The following MUC7 variants were observed in gnomAD, a reference collection of about 807,000 sequenced individuals.
MUC7 encodes the protein mucin 7, secreted.
MUC7 carries 2 observed loss-of-function variants against 2.5 expected under a neutral mutation model. That is an observed-to-expected ratio of 0.81 (90% CI 0.33 to 2.55). The LOEUF (loss-of-function observed/expected upper bound fraction) is 2.55, where lower values mean the gene tolerates loss of function less well. Among genes scored for constraint, MUC7 ranks in the 30% most tolerant of loss-of-function variants. The pLI, the probability that MUC7 is intolerant of heterozygous loss-of-function variation, is 0.11. For synonymous variants in MUC7, 133 were observed against 173.4 expected, an observed-to-expected ratio of 0.77 and a Z score of 1.83; for missense variants, 408 against 455.6, an observed-to-expected ratio of 0.90 and a Z score of 0.95.
At chr4:70,432,943 C>T (rs951214370) in intron 1 of MUC7, among the ~76,000 whole-genome samples, 4 of 152,234 alleles carry the variant, frequency 2.6e-5, no homozygotes, top group African/African-American at 9.6e-5. Context: ...CAGCTTTCTA[C>T]ATATGGCTAG....
chr4:70,467,399 T>C (rs1400147374), upstream of MUC7, among the ~76,000 whole-genome samples: 1 of 151,518 alleles, frequency 6.6e-6, no homozygotes, highest in East Asian at 1.9e-4. Flanking sequence ...AGACAAGAAA[T>C]AACTAAGATC....
At chr4:70,458,772 T>A (rs558719645) in intron 1 of MUC7, among the ~76,000 whole-genome samples, 1 of 152,164 alleles carries the variant, frequency 6.6e-6, no homozygotes, top group East Asian at 1.9e-4. Context: ...CAGATTATTT[T>A]AAAAATACAA....
At chr4:70,471,093 T>C (rs1734823009), upstream of MUC7, among the ~76,000 whole-genome samples, 1 of 152,156 alleles carries the variant, frequency 6.6e-6, no homozygotes, top group Non-Finnish European at 1.5e-5. Flanking sequence ...AAGAACAAAC[T>C]GACTAGCTAG....
chr4:70,447,265 A>G (rs560472987), intron 1 of MUC7, among the ~76,000 whole-genome samples: 1 of 152,208 alleles, frequency 6.6e-6, no homozygotes, highest in Non-Finnish European at 1.5e-5. Context: ...GATAACAATG[A>G]TGTCTTAAAG....
chr4:70,444,329 A>G (rs1734075763), intron 1 of MUC7, among the ~76,000 whole-genome samples: 1 of 152,134 alleles, frequency 6.6e-6, no homozygotes, highest in South Asian at 2.1e-4. Flanking sequence ...TTCCTTAGGA[A>G]CCAAATCTGT....
chr4:70,461,966 C>A (rs561674481), intron 1 of MUC7, among the ~76,000 whole-genome samples: 1 of 152,288 alleles, frequency 6.6e-6, no homozygotes, highest in South Asian at 2.1e-4. Flanking sequence ...AACACCAGCA[C>A]TTTGAGACGC....
In MUC7 at chr4:70,482,055, A is replaced by T. The variant is rs1735215864; in HGVS notation, c.*177A>T. The T allele has an allele frequency of 1.3e-6, 1 of 779,366 alleles. No homozygotes were observed. The highest frequency in any genetic ancestry group is 3.0e-5 in the Admixed American group (1 of 33,186). The allele number at this position is 779,366 out of a possible 1,614,324, so 48.3% of individuals were successfully genotyped here. On this transcript the variant is annotated 3_prime_UTR_variant, in exon 3 of 3. Coordinates refer to ENST00000304887, the MANE Select transcript of MUC7 (RefSeq NM_152291.3). Reference sequence around the variant, plus strand: ...CCACAAGACCTATTAACAAGACAAAATGCCTCTATCCCACAAGCCAGATGC... The same window carrying T: ...CCACAAGACCTATTAACAAGACAAATTGCCTCTATCCCACAAGCCAGATGC...
chr4:70,465,426 C>T (rs1734658410), intron 1 of MUC7, among the ~76,000 whole-genome samples: 1 of 152,096 alleles, frequency 6.6e-6, no homozygotes. Flanking sequence ...AAGTAGGCTT[C>T]AGAAGGTGGG....
intron 1 of MUC7, among the ~76,000 whole-genome samples, chr4:70,438,882 A>G (rs1053452239): frequency 1.3e-5 from 2 of 152,220 alleles, no homozygotes; most frequent in Non-Finnish European, 2.9e-5. Flanking sequence ...GGACACTAAT[A>G]CAAGGTAAAC....
intron 2 of MUC7, among the ~76,000 whole-genome samples, chr4:70,476,872 T>C (rs1735021533): frequency 6.6e-6 from 1 of 152,234 alleles, no homozygotes; most frequent in Non-Finnish European, 1.5e-5. Context: ...CCTGGAGCTC[T>C]AGCAACAACC....
upstream of MUC7, among the ~76,000 whole-genome samples, chr4:70,467,232 C>T (rs1446162892): frequency 6.6e-6 from 1 of 152,124 alleles, no homozygotes; most frequent in Non-Finnish European, 1.5e-5. Context: ...ACACAACATA[C>T]CAGAATCTCT....
rs151092297 is a variant in MUC7 at position 70,438,187 on chromosome 4, G to A, written c.-93+7500G>A. The stretch of plus-strand genomic sequence containing the variant: ...TCTTAGAAACTTCATTTCTGTCCAG[G>A]TGCCATTTATTACCATTTCTGAATA... On this transcript the variant is annotated intron_variant, in intron 1 of 3. Coordinates refer to the MUC7 transcript ENST00000413702. Among the ~76,000 whole-genome samples the A allele has an allele frequency of 1.2e-4, 18 of 152,190 alleles. No homozygotes were observed. In the East Asian group the frequency reaches 3.1e-3, roughly 26 times the overall value.
chr4:70,475,148 G>A (rs757792400), intron 2 of MUC7, among the ~76,000 whole-genome samples: 4 of 151,968 alleles, frequency 2.6e-5, no homozygotes, highest in East Asian at 1.9e-4. Flanking sequence ...GTGTGGTGGT[G>A]GGCACCTGTA....
intron 1 of MUC7, among the ~76,000 whole-genome samples, chr4:70,432,486 T>C (rs1707015919): frequency 6.6e-6 from 1 of 152,232 alleles, no homozygotes; most frequent in Admixed American, 6.5e-5. Context: ...TTTGCATTTC[T>C]CTGATGGCCA....
chr4:70,442,853 C>A (rs953989992), intron 1 of MUC7, among the ~76,000 whole-genome samples: 13 of 152,286 alleles, frequency 8.5e-5, no homozygotes, highest in African/African-American at 2.6e-4. Context: ...TCTCAAGGAC[C>A]AGCTTCACAT....
At chr4:70,475,947 G>C (rs1577915483) in intron 2 of MUC7, among the ~76,000 whole-genome samples, 1 of 152,222 alleles carries the variant, frequency 6.6e-6, no homozygotes, top group East Asian at 1.9e-4. Flanking sequence ...CCCTAATGCT[G>C]ATTTCTGTGA....
Position 70,448,011 on chromosome 4 carries a change from G to C in MUC7, c.-93+17324G>C, listed in dbSNP as rs527635275. ...ATGAGTTCAATGGTTTTCATTTTTA[G>C]CTCCCACAAATAGGTGGGAACTTGC... On this transcript the variant is annotated intron_variant, in intron 1 of 3. Transcript: ENST00000413702. Among the ~76,000 whole-genome samples, 13 of 152,054 alleles carry C rather than the reference G, an allele frequency of 8.5e-5. No individual in the cohort carries two copies. In the South Asian group the frequency reaches 2.7e-3, roughly 32 times the overall value.
chr4:70,471,116 A>G (rs1166327184), upstream of MUC7, among the ~76,000 whole-genome samples: 1 of 152,240 alleles, frequency 6.6e-6, no homozygotes, highest in Admixed American at 6.5e-5. Flanking sequence ...GTGGAATCAC[A>G]CCTTCAAAAC....
At chr4:70,470,356 T>G (rs1426816405), upstream of MUC7, among the ~76,000 whole-genome samples, 1 of 152,164 alleles carries the variant, frequency 6.6e-6, no homozygotes, top group African/African-American at 2.4e-5. Context: ...TGTATACCTA[T>G]GTAACAAACC....
Sources: allele counts gnomAD v4.1 joint callset (sites outside exome capture counted in the v4.1 genomes callset), GRCh38; gene constraint gnomAD v4.1.1; transcripts MANE v1.5; gene names NCBI Gene and HGNC (gene_info 2026-07-23, HGNC 2026-07-21).